The following RALYL variants were observed in gnomAD, a reference collection of about 807,000 sequenced individuals.
RALYL encodes the protein RALY RNA binding protein like.
RALYL carries 29 observed loss-of-function variants against 35.1 expected under a neutral mutation model. The ratio of observed to expected loss-of-function variants is 0.83; its 90% confidence interval spans 0.61 to 1.13. RALYL has a LOEUF of 1.13. RALYL is among the 50% of genes most tolerant of loss of function. The pLI is 0.00. For missense variants in RALYL, 359 were observed against 360.4 expected (o/e 1.00, Z 0.03); for synonymous variants, 120 against 127.6 (o/e 0.94, Z 0.40).
chr8:84,529,467 T>C lies in RALYL; in HGVS notation c.146T>C (p.Val49Ala). Residue 49 changes from valine to alanine, a missense_variant, in exon 2 of 9, where the codon GTT becomes GCT. Val to Ala is a moderately conservative substitution (Grantham distance 64). Coordinates refer to ENST00000521268, the MANE Select transcript of RALYL (RefSeq NM_173848.7). The stretch of plus-strand genomic sequence containing the variant: ...ATTTTTTCAAAGTATGGAAAAATAG[T>C]TGGATGTTCCGTTCACAAAGGTTAT... ...EAIFSKYGKI[V>A]GCSVHKGYAF... is the part of the protein sequence containing the mutation. 1 of 1,613,740 alleles carries C rather than the reference T, an allele frequency of 6.2e-7. No individual in the cohort carries two copies. The highest frequency in any genetic ancestry group is 1.7e-5 in the Admixed American group (1 of 59,896).
chr8:84,414,672 A>G (rs1196007733), intron 1 of RALYL, among the ~76,000 whole-genome samples: 5 of 152,236 alleles, frequency 3.3e-5, no homozygotes, highest in Non-Finnish European at 7.3e-5. Flanking sequence ...TTGTAGCTGC[A>G]GATGAAATTT....
In RALYL at chr8:84,392,439, C is replaced by CA. The variant is rs796345781; in HGVS notation, c.-23-136849dup. 6.7e-3 allele frequency among the ~76,000 whole-genome samples: 967 copies of CA among 143,836 alleles called. 4 individuals are homozygous for CA. Among genetic ancestry groups the CA allele is most frequent in the Non-Finnish European group, 7.9e-3 (516 of 65,052 alleles). The allele number at this position is 143,836 out of a possible 152,430, so 94.4% of individuals were successfully genotyped here. Reference sequence around the variant, plus strand: ...TCCATATAAAATAAAGAGTGAAAAACAAAAAAAAAAATTGAATCACAGCTG... The same window carrying CA: ...TCCATATAAAATAAAGAGTGAAAAACAAAAAAAAAAAATTGAATCACAGCTG... On this transcript the variant is annotated intron_variant, in intron 1 of 8. Transcript: ENST00000521268.
chr8:84,423,186 G>A (rs2045888213), intron 1 of RALYL, among the ~76,000 whole-genome samples: 1 of 151,298 alleles, frequency 6.6e-6, no homozygotes, highest in South Asian at 2.1e-4. Context: ...GGGAGTCTAA[G>A]TCTCTTTGTA....
chr8:84,418,138 T>C (rs1292916227), intron 1 of RALYL, among the ~76,000 whole-genome samples: 3 of 152,172 alleles, frequency 2.0e-5, no homozygotes, highest in Admixed American at 6.6e-5. Context: ...ACAAGATCTG[T>C]AGTGTCTGAC....
At chr8:84,238,696 G>A (rs2131538089) in intron 1 of RALYL, among the ~76,000 whole-genome samples, 1 of 152,258 alleles carries the variant, frequency 6.6e-6, no homozygotes, top group East Asian at 1.9e-4. Flanking sequence ...GCCCTTTGAA[G>A]GCTGTAGTGG....
intron 8 of RALYL, among the ~76,000 whole-genome samples, chr8:84,910,533 A>G (rs1007734960): frequency 2.6e-5 from 4 of 152,224 alleles, no homozygotes; most frequent in Admixed American, 2.0e-4. Flanking sequence ...ATCTGTTACC[A>G]TCAATGATGA....
intron 1 of RALYL, among the ~76,000 whole-genome samples, chr8:84,496,265 C>T (rs147024173): frequency 1.2e-3 from 185 of 152,232 alleles, no homozygotes; most frequent in Non-Finnish European, 2.2e-3. Flanking sequence ...ACCCCAGTCT[C>T]ATCTACATGT....
At chr8:84,827,294 A>T (rs1829923460) in intron 4 of RALYL, among the ~76,000 whole-genome samples, 1 of 152,172 alleles carries the variant, frequency 6.6e-6, no homozygotes, top group African/African-American at 2.4e-5. Context: ...AAACTGAAAG[A>T]TACGAGTTTT....
chr8:84,485,015 T>C (rs1456118053), intron 1 of RALYL, among the ~76,000 whole-genome samples: 1 of 152,094 alleles, frequency 6.6e-6, no homozygotes, highest in African/African-American at 2.4e-5. Context: ...TCAAGTGGCT[T>C]CCCCTACGGT....
intron 4 of RALYL, among the ~76,000 whole-genome samples, chr8:84,845,127 T>TA (rs922411095): frequency 8.6e-5 from 13 of 151,944 alleles, no homozygotes; most frequent in African/African-American, 2.2e-4. Flanking sequence ...ATAAAAAAAT[T>TA]AAAAAAAATA....
chr8:84,187,158 A>T (rs1586012821), intron 1 of RALYL, among the ~76,000 whole-genome samples: 1 of 152,280 alleles, frequency 6.6e-6, no homozygotes, highest in East Asian at 1.9e-4. Context: ...GACCTCAAAC[A>T]TTGTACTATC....
chr8:84,857,192 G>C (rs904141326), intron 5 of RALYL, among the ~76,000 whole-genome samples: 1 of 152,112 alleles, frequency 6.6e-6, no homozygotes, highest in African/African-American at 2.4e-5. Flanking sequence ...TCAAGACATG[G>C]AGCAAGATCT....
chr8:84,196,011 T>G (rs2130931163), intron 1 of RALYL, among the ~76,000 whole-genome samples: 1 of 152,360 alleles, frequency 6.6e-6, no homozygotes, highest in East Asian at 1.9e-4. Flanking sequence ...TCAAATAAAC[T>G]TATTAGAAAC....
chr8:84,471,976 G>T (rs996783106), intron 1 of RALYL, among the ~76,000 whole-genome samples: 3 of 152,180 alleles, frequency 2.0e-5, no homozygotes, highest in African/African-American at 7.2e-5. Context: ...TAGAGGCTCA[G>T]TGTTTGTCTA....
intron 2 of RALYL, among the ~76,000 whole-genome samples, chr8:84,611,726 C>T (rs943919108): frequency 6.6e-6 from 1 of 152,094 alleles, no homozygotes; most frequent in South Asian, 2.1e-4. Context: ...AGTATTTACA[C>T]ATTACATGTC....
chr8:84,879,195 G>A (rs955304083), intron 7 of RALYL, among the ~76,000 whole-genome samples: 4 of 152,060 alleles, frequency 2.6e-5, no homozygotes, highest in South Asian at 2.1e-4. Flanking sequence ...AAAAGCTCTG[G>A]GATAGACTTT....
At chr8:84,579,188 G>T (rs900087138) in intron 2 of RALYL, among the ~76,000 whole-genome samples, 1 of 152,184 alleles carries the variant, frequency 6.6e-6, no homozygotes, top group African/African-American at 2.4e-5. Context: ...AAGGCAGCAG[G>T]AGGCAGTCTT....
intron 1 of RALYL, among the ~76,000 whole-genome samples, chr8:84,281,610 C>T (rs1170354783): frequency 1.3e-5 from 2 of 152,122 alleles, no homozygotes; most frequent in African/African-American, 2.4e-5. Flanking sequence ...TGGGAAAACT[C>T]AGCAGAAGCT....
At chr8:84,682,282 G>T (rs1835715720) in intron 2 of RALYL, among the ~76,000 whole-genome samples, 1 of 152,156 alleles carries the variant, frequency 6.6e-6, no homozygotes, top group African/African-American at 2.4e-5. Context: ...GTTCATCAGG[G>T]TTATTGGTCT....
Sources: gnomAD v4.1 joint callset for allele counts (sites outside exome capture counted in the v4.1 genomes callset) on GRCh38, gnomAD v4.1.1 for gene constraint, MANE v1.5 for transcripts, NCBI Gene and HGNC (gene_info 2026-07-23, HGNC 2026-07-21) for gene names.